GRID2: variants seen among roughly 807,000 people sequenced by gnomAD.
GRID2 encodes the protein glutamate ionotropic receptor delta type subunit 2.
Under a neutral mutation model 114.8 loss-of-function variants are expected in GRID2, and 33 were observed. The observed-to-expected ratio is 0.29, with a 90% CI of 0.22 to 0.38. The LOEUF is 0.38. Ranked by LOEUF, GRID2 falls within the 10% of genes least tolerant of loss-of-function variation. The pLI is 1.00. For missense variants in GRID2, 1,184 were observed against 1,257.7 expected (o/e 0.94, Z 0.89); for synonymous variants, 505 against 449.9 (o/e 1.12, Z -1.55).
chr4:92,674,159 T>C (rs374430757), intron 2 of GRID2, among the ~76,000 whole-genome samples: 17 of 152,274 alleles, frequency 1.1e-4, no homozygotes, highest in African/African-American at 3.9e-4. Context: ...AGGCCTTCAG[T>C]TGATATTTTT....
At chr4:93,762,748 A>G (rs1417483875) in intron 14 of GRID2, among the ~76,000 whole-genome samples, 3 of 152,164 alleles carry the variant, frequency 2.0e-5, no homozygotes, top group Non-Finnish European at 1.5e-5. Context: ...AAGAATGCAG[A>G]GCAGCAGGGT....
chr4:92,918,691 G>C (rs1749031661), intron 2 of GRID2, among the ~76,000 whole-genome samples: 1 of 152,160 alleles, frequency 6.6e-6, no homozygotes, highest in South Asian at 2.1e-4. Flanking sequence ...TTGCATCCCA[G>C]GGATGAAGCC....
chr4:92,891,575 G>T (rs1283631938), intron 2 of GRID2, among the ~76,000 whole-genome samples: 2 of 152,020 alleles, frequency 1.3e-5, no homozygotes, highest in African/African-American at 4.8e-5. Context: ...TTTTTTTTAA[G>T]AAAATTAGCA....
intron 8 of GRID2, among the ~76,000 whole-genome samples, chr4:93,311,722 G>C (rs1579632361): frequency 6.6e-6 from 1 of 152,170 alleles, no homozygotes; most frequent in Non-Finnish European, 1.5e-5. Context: ...GTATGAGGAT[G>C]AACAGGAGAG....
At chr4:92,348,961 T>C (rs996773835) in intron 1 of GRID2, among the ~76,000 whole-genome samples, 4 of 151,932 alleles carry the variant, frequency 2.6e-5, no homozygotes, top group African/African-American at 9.7e-5. Flanking sequence ...ACTCTGAAAA[T>C]GCAACATGTA....
intron 1 of GRID2, among the ~76,000 whole-genome samples, chr4:92,459,521 A>G (rs1272413551): frequency 6.6e-6 from 1 of 152,168 alleles, no homozygotes; most frequent in East Asian, 1.9e-4. Flanking sequence ...GTTGCTTTCC[A>G]GAGTCTTAGG....
At chr4:93,664,105 G>A (rs1277509557) in intron 14 of GRID2, among the ~76,000 whole-genome samples, 2 of 152,196 alleles carry the variant, frequency 1.3e-5, no homozygotes, top group Non-Finnish European at 2.9e-5. Flanking sequence ...AAGCCATGCA[G>A]ATGCCTGCAA....
chr4:93,067,025 G>T (rs901919586), intron 2 of GRID2, among the ~76,000 whole-genome samples: 1 of 151,952 alleles, frequency 6.6e-6, no homozygotes, highest in East Asian at 1.9e-4. Context: ...GCAATTTAAA[G>T]CTTATGAATT....
intron 8 of GRID2, among the ~76,000 whole-genome samples, chr4:93,272,841 G>T (rs1387054012): frequency 6.6e-6 from 1 of 152,216 alleles, no homozygotes; most frequent in African/African-American, 2.4e-5. Flanking sequence ...GTGGTCCTTC[G>T]CTGGTCTCAT....
chr4:93,555,960 C>A (rs750604662), intron 13 of GRID2, among the ~76,000 whole-genome samples: 2 of 152,196 alleles, frequency 1.3e-5, no homozygotes, highest in Non-Finnish European at 2.9e-5. Flanking sequence ...GATACCCAGG[C>A]AAACGGAGTC....
intron 13 of GRID2, among the ~76,000 whole-genome samples, chr4:93,592,807 T>C (rs897395023): frequency 6.6e-6 from 1 of 152,236 alleles, no homozygotes; most frequent in Non-Finnish European, 1.5e-5. Context: ...TTTACCATTA[T>C]GTAATGGCCT....
chr4:93,206,130 C>T (rs1340442565), intron 4 of GRID2, among the ~76,000 whole-genome samples: 1 of 151,614 alleles, frequency 6.6e-6, no homozygotes, highest in African/African-American at 2.4e-5. Context: ...GATAACATAT[C>T]CTCAATTATC....
Position 92,318,711 on chromosome 4 carries a change from T to C in GRID2, c.88+13967T>C, listed in dbSNP as rs749029667. Among the ~76,000 whole-genome samples the C allele has an allele frequency of 5.9e-5, 9 of 151,716 alleles. No homozygotes were observed. The South Asian group carries it at 8.3e-4, about 14-fold the overall frequency. ...CTGGTCTCAAACTCCTGAGCTCAAA[T>C]GATCTGCCCACCTCAGCCTCCCAAA... On this transcript the variant is annotated intron_variant, in intron 1 of 15. Transcript: ENST00000282020.
chr4:93,771,395 G>A (rs757663385), intron 15 of GRID2, among the ~76,000 whole-genome samples: 4 of 152,120 alleles, frequency 2.6e-5, no homozygotes, highest in African/African-American at 9.7e-5. Flanking sequence ...TATCACTCAC[G>A]TGCCCTGACT....
rs147570439 is a variant in GRID2, at chr4:92,954,160, T to C, written c.245-130835T>C. On this transcript the variant is annotated intron_variant, in intron 2 of 15. Transcript: ENST00000282020. ...AAAAGATTTCTCAAATATAGATATATCAATATATAAATATGAAAAAAGCAT... is the reference window on the plus strand; with the variant it reads ...AAAAGATTTCTCAAATATAGATATACCAATATATAAATATGAAAAAAGCAT... Among the ~76,000 whole-genome samples the C allele has an allele frequency of 3.7e-3, 568 of 152,156 alleles. 18 individuals carry two copies. The East Asian group carries it at 0.059, about 16-fold the overall frequency.
At chr4:92,529,556 T>G (rs529337662) in intron 1 of GRID2, among the ~76,000 whole-genome samples, 1 of 152,110 alleles carries the variant, frequency 6.6e-6, no homozygotes, top group South Asian at 2.1e-4. Context: ...ATACTGCAAG[T>G]TCAAGATTAC....
chr4:93,502,049 G>A (rs1421593844), intron 12 of GRID2, among the ~76,000 whole-genome samples: 1 of 151,980 alleles, frequency 6.6e-6, no homozygotes, highest in Non-Finnish European at 1.5e-5. Flanking sequence ...GGAGTATACT[G>A]CTTAGTCATT....
intron 2 of GRID2, among the ~76,000 whole-genome samples, chr4:92,847,058 C>T (rs1208066867): frequency 6.6e-6 from 1 of 151,978 alleles, no homozygotes; most frequent in African/African-American, 2.4e-5. Flanking sequence ...TCACTATGAT[C>T]CTGACTTTTT....
chr4:93,088,335 CCTT>C (rs569630121), intron 3 of GRID2, among the ~76,000 whole-genome samples: 69 of 152,192 alleles, frequency 4.5e-4, no homozygotes, highest in Admixed American at 8.5e-4. Context: ...AAAAATATGT[CCTT>C]CTGGAAATAT....
Sources: allele counts gnomAD v4.1 joint callset (sites outside exome capture counted in the v4.1 genomes callset), GRCh38; gene constraint gnomAD v4.1.1; transcripts MANE v1.5; gene names NCBI Gene and HGNC (gene_info 2026-07-23, HGNC 2026-07-21).